BABAM2: variants seen among roughly 807,000 people sequenced by gnomAD.
BABAM2 encodes the protein BRISC and BRCA1 A complex member 2.
Under a neutral mutation model 54.7 loss-of-function variants are expected in BABAM2, and 31 were observed. The ratio of observed to expected loss-of-function variants is 0.57; its 90% CI spans 0.43 to 0.77. BABAM2 has a LOEUF of 0.77. BABAM2 is among the 30% of genes least tolerant of loss of function. BABAM2 has a pLI of 0.00. For missense variants in BABAM2, 364 were observed against 455.8 expected, an observed-to-expected ratio of 0.80 and a Z score of 1.83; for synonymous variants, 167 against 162.9, an observed-to-expected ratio of 1.03 and a Z score of -0.19.
At chr2:28,103,680 G>A (rs1460321734) in intron 6 of BABAM2, among the ~76,000 whole-genome samples, 1 of 152,120 alleles carries the variant, frequency 6.6e-6, no homozygotes, top group African/African-American at 2.4e-5. Flanking sequence ...TCACTGAAGT[G>A]GGAAGAATAG....
chr2:28,265,513 A>T (rs1161515107), intron 10 of BABAM2, among the ~76,000 whole-genome samples: 1 of 152,208 alleles, frequency 6.6e-6, no homozygotes, highest in Non-Finnish European at 1.5e-5. Flanking sequence ...AAAAGCGGGT[A>T]GCTGCTCCAG....
chr2:28,176,971 G>A (rs976781386), intron 7 of BABAM2, among the ~76,000 whole-genome samples: 1 of 151,982 alleles, frequency 6.6e-6, no homozygotes, highest in African/African-American at 2.4e-5. Flanking sequence ...AGCCCAAAAG[G>A]CATAGAAAAG....
intron 3 of BABAM2, among the ~76,000 whole-genome samples, chr2:27,978,469 A>G (rs1671753221): frequency 6.6e-6 from 1 of 152,140 alleles, no homozygotes; most frequent in Admixed American, 6.6e-5. Context: ...CTATTGCTTG[A>G]ACTTACTTTT....
At chr2:27,963,845 A>G (rs1670655424) in intron 3 of BABAM2, among the ~76,000 whole-genome samples, 1 of 151,982 alleles carries the variant, frequency 6.6e-6, no homozygotes, top group African/African-American at 2.4e-5. Context: ...GTGATATAAC[A>G]TACTTGTTCA....
chr2:28,291,063 T>C (rs1687243100), intron 10 of BABAM2, among the ~76,000 whole-genome samples: 1 of 152,186 alleles, frequency 6.6e-6, no homozygotes, highest in Non-Finnish European at 1.5e-5. Context: ...TTTAGTTCTT[T>C]CAACAAACAC....
intron 6 of BABAM2, among the ~76,000 whole-genome samples, chr2:28,048,914 C>A (rs565033118): frequency 6.6e-6 from 1 of 152,102 alleles, no homozygotes; most frequent in Non-Finnish European, 1.5e-5. Context: ...TATGTGTATT[C>A]CTGTCTTTAT....
At chr2:28,039,625 A>C (rs1280337437) in intron 5 of BABAM2, among the ~76,000 whole-genome samples, 1 of 152,252 alleles carries the variant, frequency 6.6e-6, no homozygotes, top group Non-Finnish European at 1.5e-5. Flanking sequence ...CCTCTAAGAA[A>C]GGAAGTAAAA....
rs529685207 is a variant in BABAM2, at chr2:28,121,618, C to T, written c.571-7653C>T. Among the ~76,000 whole-genome samples the T allele has an allele frequency of 2.0e-5, 3 of 152,266 alleles. No individual in the cohort carries two copies. The South Asian group carries it at 6.2e-4, about 32-fold the overall frequency. On this transcript the variant is annotated intron_variant, in intron 6 of 11. Transcript: ENST00000379624. ...TAATGAAAGGCCACTGCTGATTCTC[C>T]ATAAAGCCAACTTTGAGCACCCTTT...
chr2:28,105,628 C>T (rs1202239437), intron 6 of BABAM2, among the ~76,000 whole-genome samples: 3 of 152,104 alleles, frequency 2.0e-5, no homozygotes, highest in Admixed American at 6.6e-5. Flanking sequence ...TATCTTCAAG[C>T]GTTGTTGGCG....
At chr2:28,026,030 A>T (rs1305428301) in intron 5 of BABAM2, among the ~76,000 whole-genome samples, 1 of 152,176 alleles carries the variant, frequency 6.6e-6, no homozygotes, top group Non-Finnish European at 1.5e-5. Context: ...AATCACAATG[A>T]GATACCATCT....
At chr2:28,320,628 C>G (rs917490818) in intron 11 of BABAM2, among the ~76,000 whole-genome samples, 2 of 152,244 alleles carry the variant, frequency 1.3e-5, no homozygotes, top group African/African-American at 4.8e-5. Context: ...CGTGGCCAGG[C>G]ATAGGTTGGC....
chr2:27,945,895 A>G (rs1237520945), intron 3 of BABAM2, among the ~76,000 whole-genome samples: 1 of 151,782 alleles, frequency 6.6e-6, no homozygotes, highest in Non-Finnish European at 1.5e-5. Context: ...ATGTCCCTAA[A>G]TTTACTTATT....
chr2:28,141,351 T>C (rs576247209), intron 7 of BABAM2, among the ~76,000 whole-genome samples: 1 of 152,238 alleles, frequency 6.6e-6, no homozygotes, highest in Admixed American at 6.5e-5. Context: ...ACATTTGTTA[T>C]AAAGGATATA....
intron 3 of BABAM2, among the ~76,000 whole-genome samples, chr2:27,974,935 A>G (rs1423539044): frequency 6.6e-6 from 1 of 152,092 alleles, no homozygotes; most frequent in African/African-American, 2.4e-5. Flanking sequence ...ATTTCTTTAT[A>G]CTAGCAATGA....
intron 11 of BABAM2, among the ~76,000 whole-genome samples, chr2:28,335,830 C>G (rs958977107): frequency 6.6e-6 from 1 of 152,158 alleles, no homozygotes; most frequent in Non-Finnish European, 1.5e-5. Flanking sequence ...AAGGGAGAGG[C>G]AGTAGATCCA....
At chr2:28,220,194 G>A (rs1680273359) in intron 7 of BABAM2, among the ~76,000 whole-genome samples, 1 of 152,102 alleles carries the variant, frequency 6.6e-6, no homozygotes. Context: ...GGAATGTGTG[G>A]GTTCAGAAAT....
intron 5 of BABAM2, among the ~76,000 whole-genome samples, chr2:28,026,876 A>ATATATAGATATATATATT (rs1558667353): frequency 1.2e-4 from 7 of 56,174 alleles, no homozygotes; most frequent in African/African-American, 1.8e-4. Flanking sequence ...ATATATATTT[A>ATATATAGATATATATATT]TATATATATA....
At chr2:28,004,998 A>G (rs879338231) in intron 4 of BABAM2, among the ~76,000 whole-genome samples, 1 of 152,246 alleles carries the variant, frequency 6.6e-6, no homozygotes, top group Non-Finnish European at 1.5e-5. Flanking sequence ...AACTAATTTA[A>G]TGTACTAGTT....
At chr2:28,169,089 A>T (rs1336821285) in intron 7 of BABAM2, among the ~76,000 whole-genome samples, 1 of 152,174 alleles carries the variant, frequency 6.6e-6, no homozygotes, top group Admixed American at 6.5e-5. Flanking sequence ...CTTATTTAAA[A>T]CTTTACCTCC....
Sources: gnomAD v4.1 joint callset for allele counts (sites outside exome capture counted in the v4.1 genomes callset) on GRCh38, gnomAD v4.1.1 for gene constraint, MANE v1.5 for transcripts, NCBI Gene and HGNC (gene_info 2026-07-23, HGNC 2026-07-21) for gene names.